The following ARB2A variants were observed in gnomAD, a reference collection of about 807,000 sequenced individuals.
ARB2A encodes the protein ARB2 cotranscriptional regulator A, also known as cotranscriptional regulator ARB2A.
the ARB2A span, among the ~76,000 whole-genome samples, chr5:93,991,733 G>C: frequency 6.6e-6 from 1 of 151,924 alleles, no homozygotes; most frequent in African/African-American, 2.4e-5. Context: ...TCAAATAAAA[G>C]ATTGGCAAGA....
At chr5:94,061,993 G>T in the ARB2A span, among the ~76,000 whole-genome samples, 3 of 150,592 alleles carry the variant, frequency 2.0e-5, no homozygotes, top group African/African-American at 7.3e-5. Flanking sequence ...TTTTCTAAAA[G>T]AATAAAGGAA....
chr5:93,752,179 C>T, the ARB2A span, among the ~76,000 whole-genome samples: 2 of 152,164 alleles, frequency 1.3e-5, no homozygotes, highest in Admixed American at 6.5e-5. Context: ...GAAGTAAAGA[C>T]AGCCATAGGA....
chr5:93,859,600 C>T, the ARB2A span, among the ~76,000 whole-genome samples: 1 of 151,924 alleles, frequency 6.6e-6, no homozygotes, highest in Admixed American at 6.6e-5. Context: ...ATGTAAATAA[C>T]ACCTACAAGT....
chr5:93,800,380 T>C, the ARB2A span, among the ~76,000 whole-genome samples: 1 of 111,804 alleles, frequency 8.9e-6, no homozygotes, highest in South Asian at 3.0e-4. Flanking sequence ...ACTGCATATT[T>C]TCACACACAC....
chr5:94,072,324 C>T, the ARB2A span, among the ~76,000 whole-genome samples: 1 of 151,872 alleles, frequency 6.6e-6, no homozygotes, highest in African/African-American at 2.4e-5. Context: ...CAACACAATA[C>T]ATAGGATCGA....
chr5:93,849,970 T>C, the ARB2A span, among the ~76,000 whole-genome samples: 1 of 152,218 alleles, frequency 6.6e-6, no homozygotes, highest in Non-Finnish European at 1.5e-5. Context: ...TAGTATGTTC[T>C]AATTAATTTA....
chr5:93,953,911 C>T, the ARB2A span, among the ~76,000 whole-genome samples: 1 of 152,228 alleles, frequency 6.6e-6, no homozygotes, highest in South Asian at 2.1e-4. Flanking sequence ...CCACAACTAC[C>T]CCACACCTGT....
chr5:94,074,676 C>T, the ARB2A span: 4 of 1,612,564 alleles, frequency 2.5e-6, no homozygotes, highest in Non-Finnish European at 3.4e-6. Flanking sequence ...TCTTTTTCAT[C>T]TGGACCTCCC....
At chr5:93,805,445 T>C in the ARB2A span, 1 of 985,068 alleles carries the variant, frequency 1.0e-6, no homozygotes, top group Non-Finnish European at 1.2e-6. Flanking sequence ...ACGGTGAACA[T>C]ACTTCAGACT....
At chr5:93,820,307 A>T in the ARB2A span, among the ~76,000 whole-genome samples, 17 of 152,330 alleles carry the variant, frequency 1.1e-4, no homozygotes, top group Non-Finnish European at 2.2e-4. Context: ...TTTCCAAATT[A>T]AATAAAAAAT....
At chr5:94,007,795 A>G in the ARB2A span, among the ~76,000 whole-genome samples, 5 of 151,168 alleles carry the variant, frequency 3.3e-5, no homozygotes, top group Non-Finnish European at 5.9e-5. Flanking sequence ...AAAAAAAGAC[A>G]CAAGACTCAC....
the ARB2A span, among the ~76,000 whole-genome samples, chr5:93,627,242 C>T: frequency 6.6e-6 from 1 of 152,126 alleles, no homozygotes; most frequent in Non-Finnish European, 1.5e-5. Context: ...CCCTCAAAGA[C>T]GTTCATCCAT....
the ARB2A span, among the ~76,000 whole-genome samples, chr5:93,963,591 G>T: frequency 6.6e-6 from 1 of 151,778 alleles, no homozygotes; most frequent in Non-Finnish European, 1.5e-5. Flanking sequence ...TCAAACCCTC[G>T]AATTTATAAT....
chr5:93,884,450 C>T, the ARB2A span, among the ~76,000 whole-genome samples: 38 of 151,642 alleles, frequency 2.5e-4, 1 homozygote, highest in African/African-American at 8.9e-4. Context: ...CATGACTCAT[C>T]TGTTCAATAT....
the ARB2A span, among the ~76,000 whole-genome samples, chr5:93,626,019 G>A: frequency 5.3e-5 from 8 of 152,128 alleles, no homozygotes; most frequent in South Asian, 2.1e-4. Flanking sequence ...GTATTTTTGC[G>A]GGGGCAGGGG....
At chr5:93,887,322 C>T in the ARB2A span, among the ~76,000 whole-genome samples, 13,237 of 150,608 alleles carry the variant, frequency 0.088, 780 homozygotes, top group Middle Eastern at 0.17. Flanking sequence ...CTGTCAGCTG[C>T]CTTCAAATAG....
the ARB2A span, chr5:94,053,231 G>A: frequency 2.9e-6 from 4 of 1,383,534 alleles, no homozygotes; most frequent in South Asian, 5.5e-5. Flanking sequence ...AATAAATCTA[G>A]AAAAGAAATG....
the ARB2A span, among the ~76,000 whole-genome samples, chr5:94,093,606 A>G: frequency 6.6e-6 from 1 of 152,192 alleles, no homozygotes; most frequent in African/African-American, 2.4e-5. Flanking sequence ...ATTTTGGGGA[A>G]ATTCAATTCA....
At chr5:93,991,490 G>T in the ARB2A span, among the ~76,000 whole-genome samples, 2 of 151,870 alleles carry the variant, frequency 1.3e-5, no homozygotes, top group Admixed American at 1.3e-4. Context: ...TAGAGATTAT[G>T]AAATTAGGAG....
Sources: allele counts gnomAD v4.1 joint callset (sites outside exome capture counted in the v4.1 genomes callset), GRCh38; gene constraint gnomAD v4.1.1; transcripts MANE v1.5; gene names NCBI Gene and HGNC (gene_info 2026-07-23, HGNC 2026-07-21).